SULF2: variants seen among roughly 807,000 people sequenced by gnomAD.
SULF2 encodes the protein sulfatase 2, also known as extracellular sulfatase Sulf-2.
Under a neutral mutation model 107.7 loss-of-function variants are expected in SULF2, and 52 were observed. The observed-to-expected ratio is 0.48, with a 90% CI of 0.39 to 0.61. The LOEUF (loss-of-function observed/expected upper bound fraction) is 0.61, where lower values mean the gene tolerates loss of function less well. SULF2 is among the 20% of genes least tolerant of loss of function. The pLI is 0.00. For synonymous variants in SULF2, 460 were observed against 464.3 expected (o/e 0.99, Z 0.12); for missense variants, 993 against 1,177.3 (o/e 0.84, Z 2.29).
chr20:47,739,813 C>T (rs61584406), intron 2 of SULF2, among the ~76,000 whole-genome samples: 21,891 of 152,262 alleles, frequency 0.14, 1,594 homozygotes, highest in East Asian at 0.19. Context: ...ATCTTACACT[C>T]GGGTTTTCAT....
In SULF2 at chr20:47,762,304, G is replaced by A. The variant is rs577253498; in HGVS notation, c.-100-4841C>T. On this transcript the variant is annotated intron_variant, in intron 1 of 20. Coordinates refer to ENST00000688720, the MANE Select transcript of SULF2 (RefSeq NM_001387048.1). ...GGAGTGCTAATATTGGGAGAATTCC[G>A]ATGGGGTGCCCTACAAATAGCAACT... Among the ~76,000 whole-genome samples, 7 of 152,304 alleles carry A rather than the reference G, an allele frequency of 4.6e-5. No individual in the cohort carries two copies. In the South Asian group the frequency reaches 1.2e-3, roughly 27 times the overall value.
At position 47,772,053 on chromosome 20, in the gene SULF2, C is replaced by T. The variant is rs78830064; in HGVS notation, c.-101+13290G>A. Reference sequence around the variant, plus strand: ...TAACCTCTGTGCTCCATCCCATATGCCAGCGTCTCAGAATAAATAAATGAA... The same window carrying T: ...TAACCTCTGTGCTCCATCCCATATGTCAGCGTCTCAGAATAAATAAATGAA... On this transcript the variant is annotated intron_variant, in intron 1 of 20. Transcript: ENST00000688720. Among the ~76,000 whole-genome samples, 167 of 152,294 alleles carry T rather than the reference C, an allele frequency of 1.1e-3. 2 individuals carry two copies. The highest frequency in any genetic ancestry group is 9.8e-3 in the East Asian group (51 of 5,190).
At chr20:47,751,339 G>A (rs2090154006) in intron 2 of SULF2, among the ~76,000 whole-genome samples, 1 of 152,178 alleles carries the variant, frequency 6.6e-6, no homozygotes, top group Non-Finnish European at 1.5e-5. Context: ...TGGTTCAAGT[G>A]GGGTTGGCTC....
chr20:47,758,782 G>C (rs2090353912), intron 1 of SULF2, among the ~76,000 whole-genome samples: 1 of 152,226 alleles, frequency 6.6e-6, no homozygotes, highest in African/African-American at 2.4e-5. Flanking sequence ...ATGAGCGAGA[G>C]AGCCACAGCC....
chr20:47,660,270 T>C (rs538978256), intron 18 of SULF2, among the ~76,000 whole-genome samples: 1 of 152,232 alleles, frequency 6.6e-6, no homozygotes. Context: ...GTGACTAATA[T>C]GTCATTGCAC....
intron 3 of SULF2, among the ~76,000 whole-genome samples, chr20:47,722,135 G>A (rs1826734433): frequency 6.6e-6 from 1 of 152,204 alleles, no homozygotes; most frequent in Non-Finnish European, 1.5e-5. Flanking sequence ...CTGGGACCTG[G>A]CAAAGTTTGC....
chr20:47,682,300 T>C (rs1051791820), intron 7 of SULF2, among the ~76,000 whole-genome samples: 3 of 152,226 alleles, frequency 2.0e-5, no homozygotes, highest in Admixed American at 2.0e-4. Context: ...TTCCCACATC[T>C]GGGCATGAGC....
At chr20:47,738,811 ATATCTT>A (rs1295447326) in intron 2 of SULF2, among the ~76,000 whole-genome samples, 12 of 152,316 alleles carry the variant, frequency 7.9e-5, no homozygotes. Flanking sequence ...AGTCTCGGGT[ATATCTT>A]TATCAGCAGC....
intron 1 of SULF2, among the ~76,000 whole-genome samples, chr20:47,757,880 C>T (rs1291115053): frequency 6.6e-6 from 1 of 152,054 alleles, no homozygotes; most frequent in Non-Finnish European, 1.5e-5. Context: ...CCGTGGGGTA[C>T]AGAGGTGAGG....
At chr20:47,670,164 G>A (rs1320938353) in intron 11 of SULF2, among the ~76,000 whole-genome samples, 2 of 152,088 alleles carry the variant, frequency 1.3e-5, no homozygotes, top group South Asian at 2.1e-4. Context: ...ACTAGTCTGT[G>A]GTACAATATC....
intron 11 of SULF2, among the ~76,000 whole-genome samples, chr20:47,667,166 T>C (rs17726829): frequency 0.26 from 39,872 of 152,080 alleles, 5,423 homozygotes; most frequent in South Asian, 0.4. Flanking sequence ...GGAAAAAAAG[T>C]ATCATGGATG....
At chr20:47,731,571 T>C (rs1054886089) in intron 3 of SULF2, among the ~76,000 whole-genome samples, 1 of 152,128 alleles carries the variant, frequency 6.6e-6, no homozygotes, top group Non-Finnish European at 1.5e-5. Context: ...AAAGGGAATC[T>C]ATTGCCATGA....
chr20:47,664,199 AC>A lies in SULF2; in HGVS notation c.1998-11del, dbSNP rs369903731. 8.0e-5 allele frequency: 128 copies of A among 1,607,084 alleles called. 1 individual carries two copies. The African/African-American group carries it at 1.4e-3, about 17-fold the overall frequency. ...GTGCTGGGTGTGGTAGCTGTAACAGACCCCCCCAGCCCCAGGCTTCAGGAGT... is the reference window on the plus strand; with the variant it reads ...GTGCTGGGTGTGGTAGCTGTAACAGACCCCCCAGCCCCAGGCTTCAGGAGT... On this transcript the variant is annotated splice_polypyrimidine_tract_variant and intron_variant, in intron 14 of 20. Transcript: ENST00000688720.
At chr20:47,740,012 G>T (rs1327273396) in intron 2 of SULF2, among the ~76,000 whole-genome samples, 1 of 152,178 alleles carries the variant, frequency 6.6e-6, no homozygotes, top group Non-Finnish European at 1.5e-5. Context: ...ACCCCTGAAG[G>T]CTTGGGTGTT....
Position 47,745,391 on chromosome 20 carries a change from AAAAAAAAAAAAAAAAAAAAAT to A in SULF2, c.176-8470_176-8450del, listed in dbSNP as rs1329823161. Among the ~76,000 whole-genome samples, 65 of 13,818 alleles carry A rather than the reference AAAAAAAAAAAAAAAAAAAAAT, an allele frequency of 4.7e-3. 3 individuals carry two copies. In the African/African-American group the frequency reaches 0.056, roughly 12 times the overall value. The allele number at this position is 13,818 out of a possible 152,430, so 9.1% of individuals were successfully genotyped here. A position where few individuals can be genotyped will look rare whatever the true frequency, so the allele number is the denominator to read the frequency against. On this transcript the variant is annotated intron_variant, in intron 2 of 20. Transcript: ENST00000688720. ...GTTCTGAGTTTTGAGGGAAAAAAAA[AAAAAAAAAAAAAAAAAAAAAT>A]ATATATATATATATATATATATATA... is the stretch of plus-strand genomic sequence containing the variant.
chr20:47,696,952 G>A (rs962630954), intron 4 of SULF2, among the ~76,000 whole-genome samples: 17 of 152,132 alleles, frequency 1.1e-4, no homozygotes, highest in Non-Finnish European at 2.1e-4. Flanking sequence ...GCTCCATCAC[G>A]CCGTCTCCTG....
intron 3 of SULF2, among the ~76,000 whole-genome samples, chr20:47,732,182 C>T (rs2089629205): frequency 6.6e-6 from 1 of 152,190 alleles, no homozygotes; most frequent in Admixed American, 6.5e-5. Flanking sequence ...AGGTGTGAGC[C>T]ACTGCACCCA....
chr20:47,773,095 CCG>C (rs1000444513), intron 1 of SULF2, among the ~76,000 whole-genome samples: 45 of 152,172 alleles, frequency 3.0e-4, no homozygotes, highest in African/African-American at 1.1e-3. Context: ...CCATAAAGCC[CCG>C]CTGGAGCTTG....
In SULF2 at chr20:47,666,244, C is replaced by G. The variant is rs760845145; in HGVS notation, c.1805+16G>C. On this transcript the variant is annotated intron_variant, in intron 12 of 20. Transcript: ENST00000688720. This position sits in a 1 kb window ranked among gnomAD's most constrained non-coding sequence, Gnocchi z 5.4. ...GTCCTGTCCCCTTCACCCTCGACTT[C>G]CACCTGGACACTCACCGATGTGTCA... 43 of 1,613,060 alleles carry G rather than the reference C, an allele frequency of 2.7e-5. No individual in the cohort carries two copies. The highest frequency in any genetic ancestry group is 3.6e-5 in the Non-Finnish European group (42 of 1,179,534).
Sources: gnomAD v4.1 joint callset for allele counts (sites outside exome capture counted in the v4.1 genomes callset) on GRCh38, gnomAD v4.1.1 for gene constraint, Gnocchi (gnomAD v3.1) non-coding constraint, MANE v1.5 for transcripts, NCBI Gene and HGNC (gene_info 2026-07-23, HGNC 2026-07-21) for gene names.